Variants in ALAS1 observed in about 807,000 individuals in gnomAD.
ALAS1 encodes the protein 5'-aminolevulinate synthase 1.
Under a neutral mutation model 59.6 loss-of-function variants are expected in ALAS1, and 29 were observed. The ratio of observed to expected loss-of-function variants is 0.49; its 90% CI spans 0.36 to 0.66. ALAS1 has a LOEUF of 0.66. Among genes scored for constraint, ALAS1 ranks in the 30% least tolerant of loss-of-function variants. ALAS1 has a pLI of 0.00. For missense variants in ALAS1, 690 were observed against 807.5 expected, an observed-to-expected ratio of 0.85 and a Z score of 1.76; for synonymous variants, 299 against 296.6, an observed-to-expected ratio of 1.01 and a Z score of -0.08.
chr3:52,198,373 C>T (rs1219582166), intron 1 of ALAS1, 118 bp downstream of exon 1: 6 of 418,570 alleles, frequency 1.4e-5, no homozygotes, highest in Non-Finnish European at 2.1e-5. Context: ...AGTCACCCGC[C>T]GCCTTGAGGT....
intron 10 of ALAS1, 141 bp from the exon 11 acceptor site, chr3:52,212,117 C>G: frequency 1.3e-6 from 1 of 750,344 alleles, no homozygotes; most frequent in South Asian, 1.7e-5. Flanking sequence ...TTGGGCAGCG[C>G]TTTCCCTCTG....
At chr3:52,213,053 G>A (rs780983737) in intron 11 of ALAS1, among the ~76,000 whole-genome samples, 5 of 152,184 alleles carry the variant, frequency 3.3e-5, no homozygotes, top group East Asian at 1.9e-4. Flanking sequence ...TTGAGTCCCC[G>A]CTGTCCCTCC....
In ALAS1 at chr3:52,204,889, C is replaced by G; in HGVS notation, c.774C>G (p.Arg258=). ...GTAATGACTACCTAGGAATGAGTCG[C>G]CACCCACGGGTGTGTGGGGCAGTTA... The part of the protein sequence containing the change: ...WCSNDYLGMS[R]HPRVCGAVMD... The change falls in exon 6 of 12, where the codon CGC becomes CGG. Residue 258 remains arginine, a synonymous_variant. Transcript: ENST00000484952. 2 of 1,614,090 alleles carry G rather than the reference C, an allele frequency of 1.2e-6. No individual in the cohort carries two copies. The highest frequency in any genetic ancestry group is 1.7e-6 in the Non-Finnish European group (2 of 1,180,002).
intron 9 of ALAS1, 94 bp downstream of exon 9, chr3:52,208,341 C>A (rs1699337163): frequency 1.4e-6 from 2 of 1,408,284 alleles, no homozygotes; most frequent in Admixed American, 1.9e-5. Context: ...AGGAGACAGC[C>A]TGACAGCATA....
intron 8 of ALAS1, 115 bp from the exon 9 acceptor site, chr3:52,207,968 T>G: frequency 8.8e-7 from 1 of 1,138,264 alleles, no homozygotes; most frequent in Non-Finnish European, 1.2e-6. Flanking sequence ...TCATTTTCTT[T>G]CCAATATTGA....
At chr3:52,207,780 C>T (rs1408232909) in intron 8 of ALAS1, among the ~76,000 whole-genome samples, 1 of 152,166 alleles carries the variant, frequency 6.6e-6, no homozygotes, top group African/African-American at 2.4e-5. Context: ...CCTCTAGCTC[C>T]ATCCGTATTG....
intron 5 of ALAS1, 80 bp downstream of exon 5, chr3:52,204,092 G>A: frequency 7.0e-7 from 1 of 1,422,492 alleles, no homozygotes; most frequent in Admixed American, 2.1e-5. Flanking sequence ...AAAATTGCAT[G>A]GTGAGGCTGG....
intron 3 of ALAS1, among the ~76,000 whole-genome samples, chr3:52,200,184 A>G (rs1699159542): frequency 6.6e-6 from 1 of 152,136 alleles, no homozygotes; most frequent in Non-Finnish European, 1.5e-5. Context: ...TAAAATGCCC[A>G]AGAAAAATTA....
intron 3 of ALAS1, among the ~76,000 whole-genome samples, chr3:52,201,769 A>C (rs1304380110): frequency 6.6e-6 from 1 of 152,174 alleles, no homozygotes; most frequent in East Asian, 1.9e-4. Flanking sequence ...AAAAAAGGAA[A>C]GGAAAATGTT....
At chr3:52,212,562 G>A (rs182084974) in intron 11 of ALAS1, 142 bp downstream of exon 11, 21 of 1,092,540 alleles carry the variant, frequency 1.9e-5, no homozygotes, top group African/African-American at 6.3e-5. Context: ...CAAGAGTTTC[G>A]CTCTTGTTGC....
intron 6 of ALAS1, among the ~76,000 whole-genome samples, chr3:52,205,117 C>T (rs1699267589): frequency 6.6e-6 from 1 of 152,196 alleles, no homozygotes; most frequent in African/African-American, 2.4e-5. Context: ...AGCCCCTTAA[C>T]TTGTGAGGGT....
At chr3:52,203,782 T>C (rs1699237865) in intron 4 of ALAS1, 81 bp from the exon 5 acceptor site, 10 of 1,468,278 alleles carry the variant, frequency 6.8e-6, no homozygotes, top group Non-Finnish European at 9.1e-6. Context: ...CCATAAGCCA[T>C]TTTTGACAAT....
chr3:52,199,976 C>T (rs1306926000), intron 3 of ALAS1, among the ~76,000 whole-genome samples: 1 of 152,144 alleles, frequency 6.6e-6, no homozygotes, highest in African/African-American at 2.4e-5. Flanking sequence ...CATGCACCAC[C>T]ACGCCCAGAT....
At position 52,212,348 on chromosome 3, in the gene ALAS1, C is replaced by A. The variant is rs755815788; in HGVS notation, c.1690C>A (p.Pro564Thr). 6.2e-7 allele frequency: 1 copy of A among 1,614,154 alleles called. No homozygotes were observed. The highest frequency in any genetic ancestry group is 8.5e-7 in the Non-Finnish European group (1 of 1,180,012). The change falls in exon 11 of 12, where the codon CCC becomes ACC. Residue 564 changes from proline to threonine, a missense_variant. Pro to Thr is a conservative substitution (Grantham distance 38, BLOSUM62 -1). Coordinates refer to ENST00000484952, the MANE Select transcript of ALAS1 (RefSeq NM_000688.6). ...GCAAGCAATCAATTACCCTACGGTG[C>A]CCCGGGGAGAAGAGCTCCTACGGAT... ...YVQAINYPTV[P>T]RGEELLRIAP... is the part of the protein sequence containing the mutation.
At position 52,202,686 on chromosome 3, in the gene ALAS1, A is replaced by G. The variant is rs1470810792; in HGVS notation, c.379A>G (p.Ser127Gly). ...AGGCAGCAGTGTCTTCTGCAAAGCC[A>G]GTCTTGAGCTTCAGGAGGATGTGCA... ...QRGSSVFCKASLELQEDVQEM... is the reference protein window; with the variant it reads ...QRGSSVFCKAGLELQEDVQEM... The change falls in exon 4 of 12, where the codon AGT becomes GGT. Residue 127 changes from serine to glycine, a missense_variant. Physicochemically the swap from Ser to Gly is moderately conservative, Grantham distance 56 (BLOSUM62 0). Transcript: ENST00000484952. 2 of 1,614,204 alleles carry G rather than the reference A, an allele frequency of 1.2e-6. No homozygotes were observed. Among genetic ancestry groups the G allele is most frequent in the Non-Finnish European group, 8.5e-7 (1 of 1,180,040 alleles).
rs1355552807 is a variant in ALAS1 at position 52,205,013 on chromosome 3, C to G, written c.800+98C>G. On this transcript the variant is annotated intron_variant, in intron 6 of 11. Coordinates refer to ENST00000484952, the MANE Select transcript of ALAS1 (RefSeq NM_000688.6). Reference sequence around the variant, plus strand: ...CTTTTATGGAGGGAACATTCAGTAGCTGAAAGTGTGCCATAGCAAAATACT... The same window carrying G: ...CTTTTATGGAGGGAACATTCAGTAGGTGAAAGTGTGCCATAGCAAAATACT... 2.2e-5 allele frequency: 22 copies of G among 1,021,428 alleles called. No homozygotes were observed. In the Admixed American group the frequency reaches 4.7e-4, roughly 22 times the overall value. The allele number at this position is 1,021,428 out of a possible 1,614,324, so 63.3% of individuals were successfully genotyped here.
intron 10 of ALAS1, 40 bp from the exon 11 acceptor site, chr3:52,212,218 T>G (rs1273192367): frequency 6.3e-7 from 1 of 1,591,034 alleles, no homozygotes; most frequent in East Asian, 2.2e-5. Context: ...GAGGTAGTCC[T>G]TCCTGTTGTG....
chr3:52,206,754 A>G lies in ALAS1; in HGVS notation c.1165+3A>G. On this transcript the variant is annotated splice_donor_region_variant and intron_variant, in intron 8 of 11. Transcript: ENST00000484952. ...TGAAACTGTCCATTCAATGGATGGT[A>G]AGTGTGGATAGAGGTTCCTCTGAAA... The G allele has an allele frequency of 6.2e-7, 1 of 1,613,846 alleles. No homozygotes were observed. Among genetic ancestry groups the G allele is most frequent in the Non-Finnish European group, 8.5e-7 (1 of 1,179,768 alleles).
chr3:52,213,981 T>C, intron 11 of ALAS1, 39 bp from the exon 12 acceptor site: 2 of 1,572,312 alleles, frequency 1.3e-6, no homozygotes, highest in South Asian at 2.2e-5. Context: ...CTCTTGTGTA[T>C]ATTACTCCCT....
Sources: allele counts gnomAD v4.1 joint callset (sites outside exome capture counted in the v4.1 genomes callset), GRCh38; gene constraint gnomAD v4.1.1; transcripts MANE v1.5; gene names NCBI Gene and HGNC (gene_info 2026-07-23, HGNC 2026-07-21).